Variants in VPS53 observed in about 807,000 individuals in gnomAD.
The protein encoded by VPS53 is VPS53 subunit of GARP complex, also known as vacuolar protein sorting-associated protein 53 homolog.
In VPS53, 70 loss-of-function variants were observed where a neutral mutation model predicts 107.0. The observed-to-expected ratio is 0.65, with a 90% CI of 0.54 to 0.80. The LOEUF (loss-of-function observed/expected upper bound fraction) is 0.80. Ranked by LOEUF, VPS53 falls within the 30% of genes least tolerant of loss-of-function variation. The pLI is 0.00. For missense variants in VPS53, 917 were observed against 1,049.4 expected, an observed-to-expected ratio of 0.87 and a Z score of 1.74; for synonymous variants, 409 against 393.3, an observed-to-expected ratio of 1.04 and a Z score of -0.47.
chr17:682,666 A>G (rs1972442681), intron 4 of VPS53, among the ~76,000 whole-genome samples: 1 of 152,200 alleles, frequency 6.6e-6, no homozygotes, highest in Admixed American at 6.6e-5. Context: ...GGTGTTCATG[A>G]GGAAAAAATG....
intron 4 of VPS53, among the ~76,000 whole-genome samples, chr17:691,239 G>C (rs1433901570): frequency 6.6e-6 from 1 of 152,216 alleles, no homozygotes; most frequent in Non-Finnish European, 1.5e-5. Flanking sequence ...CACCCATCCA[G>C]CTGGCAGAAC....
intron 7 of VPS53, among the ~76,000 whole-genome samples, chr17:636,375 G>C (rs1970198770): frequency 6.6e-6 from 1 of 152,214 alleles, no homozygotes; most frequent in African/African-American, 2.4e-5. Context: ...GGGACAATTT[G>C]ACTTCCTCTT....
At chr17:713,880 CAAAA>C (rs59315713) in intron 1 of VPS53, among the ~76,000 whole-genome samples, 65 of 138,378 alleles carry the variant, frequency 4.7e-4, no homozygotes, top group African/African-American at 6.6e-4. Context: ...GTCTTTACCC[CAAAA>C]AAAAAAAAAA....
intron 11 of VPS53, among the ~76,000 whole-genome samples, chr17:614,703 C>G (rs1410960025): frequency 6.6e-6 from 1 of 152,134 alleles, no homozygotes; most frequent in Non-Finnish European, 1.5e-5. Context: ...TAGAGTGAGA[C>G]ATGCTGGGTG....
At chr17:681,430 C>T (rs1421587692) in intron 4 of VPS53, among the ~76,000 whole-genome samples, 2 of 152,168 alleles carry the variant, frequency 1.3e-5, no homozygotes, top group Admixed American at 6.5e-5. Context: ...CCACTGCGCC[C>T]GGCCTACAAA....
intron 19 of VPS53, among the ~76,000 whole-genome samples, chr17:526,519 A>G (rs1306748918): frequency 6.6e-6 from 1 of 152,236 alleles, no homozygotes; most frequent in Non-Finnish European, 1.5e-5. Flanking sequence ...TGAGCCTGAC[A>G]GATTTGGCGG....
At chr17:594,101 T>C (rs186407105) in intron 12 of VPS53, among the ~76,000 whole-genome samples, 343 of 152,092 alleles carry the variant, frequency 2.3e-3, no homozygotes, top group African/African-American at 7.6e-3. Context: ...CAGGTGGGAA[T>C]TGAACAATGA....
At chr17:684,039 T>C (rs1802886585) in intron 4 of VPS53, among the ~76,000 whole-genome samples, 3 of 152,212 alleles carry the variant, frequency 2.0e-5, no homozygotes, top group African/African-American at 4.8e-5. Context: ...TCACATTACA[T>C]GTGAAGTGAT....
Position 519,706 on chromosome 17 carries a change from G to C in VPS53, c.2328+120C>G, listed in dbSNP as rs896960359. On this transcript the variant is annotated intron_variant, in intron 21 of 21. Coordinates refer to ENST00000437048, the MANE Select transcript of VPS53 (RefSeq NM_001128159.3). This position sits in a 1 kb window ranked among gnomAD's most constrained non-coding sequence, Gnocchi z 5.0. ...GGCTTCTCTGAATCCGGTTTGCTCT[G>C]TGGAGCCAGGCACATGCATTTTGAG... The C allele has an allele frequency of 5.1e-6, 4 of 783,032 alleles. No individual in the cohort carries two copies. The African/African-American group carries it at 6.9e-5, about 14-fold the overall frequency. The allele number at this position is 783,032 out of a possible 1,614,324, so 48.5% of individuals were successfully genotyped here.
chr17:705,792 T>A (rs1332733524), intron 2 of VPS53: 1 of 152,246 alleles, frequency 6.6e-6, no homozygotes, highest in African/African-American at 2.4e-5. Context: ...TAGTGCTAGC[T>A]ACTGAGGAGG....
rs1282335671 is a variant in VPS53 at position 637,408 on chromosome 17, C to G, written c.609-5780G>C. On this transcript the variant is annotated intron_variant, in intron 7 of 21. Coordinates refer to ENST00000437048, the MANE Select transcript of VPS53 (RefSeq NM_001128159.3). The stretch of plus-strand genomic sequence containing the variant: ...GATTTTTTTGAAGGGTTTTTTGTGT[C>G]TCTATCTCCCTCAGTTCTGCTCTGA... Among the ~76,000 whole-genome samples the G allele has an allele frequency of 2.6e-5, 4 of 152,092 alleles. No homozygotes were observed. In the East Asian group the frequency reaches 7.7e-4, roughly 29 times the overall value.
intron 19 of VPS53, 38 bp from the exon 20 acceptor site, chr17:521,776 A>G (rs1176220357): frequency 6.8e-7 from 1 of 1,471,282 alleles, no homozygotes; most frequent in African/African-American, 1.4e-5. Flanking sequence ...GGCCCCTTCC[A>G]GCGACCCAGT....
At chr17:593,859 C>T (rs1426146317) in intron 12 of VPS53, among the ~76,000 whole-genome samples, 6 of 152,036 alleles carry the variant, frequency 3.9e-5, no homozygotes, top group African/African-American at 7.3e-5. Context: ...CACATGCACA[C>T]GTATGTTTAT....
At chr17:580,399 T>C (rs1966942878) in intron 13 of VPS53, among the ~76,000 whole-genome samples, 1 of 138,528 alleles carries the variant, frequency 7.2e-6, no homozygotes. Context: ...GACCTCAATC[T>C]GTTCCCAGAG....
rs780060159 is a variant in VPS53 at position 601,783 on chromosome 17, A to G, written c.1218+12T>C. On this transcript the variant is annotated intron_variant, in intron 12 of 21. Transcript: ENST00000437048. ...TGGGTAGGTTACCCGTGGTGACGCAAACCAGACTTACTTGATCTAAATCTC... is the reference window on the plus strand; with the variant it reads ...TGGGTAGGTTACCCGTGGTGACGCAGACCAGACTTACTTGATCTAAATCTC... The G allele has an allele frequency of 1.3e-6, 2 of 1,584,314 alleles. No homozygotes were observed. Among genetic ancestry groups the G allele is most frequent in the Non-Finnish European group, 1.7e-6 (2 of 1,164,848 alleles).
rs552632023 is a variant in VPS53, at chr17:655,096, C to T, written c.488+742G>A. On this transcript the variant is annotated intron_variant, in intron 6 of 21. Coordinates refer to ENST00000437048, the MANE Select transcript of VPS53 (RefSeq NM_001128159.3). ...GAATGCTGCATCTCAGTTTCTATGA[C>T]GATGCGCTTTCCCTGTCCACATACG... Among the ~76,000 whole-genome samples, 7 of 152,292 alleles carry T rather than the reference C, an allele frequency of 4.6e-5. No homozygotes were observed. In the South Asian group the frequency reaches 8.3e-4, roughly 18 times the overall value.
intron 7 of VPS53, among the ~76,000 whole-genome samples, chr17:636,010 TG>T (rs1167050192): frequency 1.3e-5 from 2 of 152,230 alleles, no homozygotes; most frequent in African/African-American, 4.8e-5. Flanking sequence ...TTCACGATAT[TG>T]GTTCTTCCTA....
At chr17:547,925 C>G (rs1431892718) in intron 17 of VPS53, among the ~76,000 whole-genome samples, 1 of 152,186 alleles carries the variant, frequency 6.6e-6, no homozygotes, top group Admixed American at 6.5e-5. Flanking sequence ...CAACTGTATA[C>G]TTTAAAAGGG....
In VPS53 at chr17:623,692, A is replaced by C; in HGVS notation, c.975-18T>G. 3 of 1,602,514 alleles carry C rather than the reference A, an allele frequency of 1.9e-6. No homozygotes were observed. Among genetic ancestry groups the C allele is most frequent in the Non-Finnish European group, 1.7e-6 (2 of 1,171,420 alleles). On this transcript the variant is annotated intron_variant, in intron 10 of 21. Coordinates refer to ENST00000437048, the MANE Select transcript of VPS53 (RefSeq NM_001128159.3). Reference sequence around the variant, plus strand: ...GTTCTGCCCTTCAAAACAAAGAGATAAGAATACTATCAAACAAGCTGATCA... The same window carrying C: ...GTTCTGCCCTTCAAAACAAAGAGATCAGAATACTATCAAACAAGCTGATCA...
Sources: allele counts gnomAD v4.1 joint callset (sites outside exome capture counted in the v4.1 genomes callset), GRCh38; gene constraint gnomAD v4.1.1; non-coding constraint Gnocchi (gnomAD v3.1); transcripts MANE v1.5; gene names NCBI Gene and HGNC (gene_info 2026-07-23, HGNC 2026-07-21).